The following SCHIP1 variants were observed in gnomAD, a reference collection of about 807,000 sequenced individuals.
SCHIP1 encodes schwannomin-interacting protein 1.
In SCHIP1, 8 loss-of-function variants were observed where a neutral mutation model predicts 29.7. The ratio of observed to expected loss-of-function variants is 0.27; its 90% CI spans 0.16 to 0.49. SCHIP1 has a LOEUF of 0.49. Among genes scored for constraint, SCHIP1 ranks in the 20% least tolerant of loss-of-function variants. SCHIP1 has a pLI of 0.99. For synonymous variants in SCHIP1, 76 were observed against 94.9 expected, an observed-to-expected ratio of 0.80 and a Z score of 1.16; for missense variants, 193 against 294.6, an observed-to-expected ratio of 0.66 and a Z score of 2.52.
At chr3:159,332,755 A>G in the SCHIP1 span, among the ~76,000 whole-genome samples, 1 of 152,188 alleles carries the variant, frequency 6.6e-6, no homozygotes, top group Non-Finnish European at 1.5e-5. Flanking sequence ...AAAAGGATAT[A>G]TATGAGGGCC....
chr3:159,721,659 T>C, the SCHIP1 span: 1 of 232,172 alleles, frequency 4.3e-6, no homozygotes, highest in African/African-American at 2.3e-5. Context: ...AAGGCTCTTC[T>C]TTGTTTCTAT....
the SCHIP1 span, among the ~76,000 whole-genome samples, chr3:159,583,884 G>A: frequency 6.6e-6 from 1 of 152,114 alleles, no homozygotes; most frequent in African/African-American, 2.4e-5. Context: ...TTCTTAACAT[G>A]CCAATCGGCT....
At chr3:159,672,663 C>T in the SCHIP1 span, among the ~76,000 whole-genome samples, 1 of 152,064 alleles carries the variant, frequency 6.6e-6, no homozygotes, top group Admixed American at 6.5e-5. Context: ...CAGCCCCTCA[C>T]CTCACAAAAA....
At chr3:159,507,286 A>T in the SCHIP1 span, among the ~76,000 whole-genome samples, 1 of 152,154 alleles carries the variant, frequency 6.6e-6, no homozygotes, top group African/African-American at 2.4e-5. Context: ...ATTGGTGTAT[A>T]AGAATGCTTG....
At chr3:159,872,575 C>T (rs1715397653) in intron 2 of SCHIP1, among the ~76,000 whole-genome samples, 1 of 152,174 alleles carries the variant, frequency 6.6e-6, no homozygotes, top group African/African-American at 2.4e-5. Flanking sequence ...CTTGTTGACT[C>T]ACCATAAGGA....
the SCHIP1 span, among the ~76,000 whole-genome samples, chr3:159,519,342 G>C: frequency 6.6e-6 from 1 of 152,040 alleles, no homozygotes; most frequent in South Asian, 2.1e-4. Context: ...ACTTTTTATA[G>C]CTTTACTTTA....
chr3:159,413,613 A>G, the SCHIP1 span, among the ~76,000 whole-genome samples: 1 of 152,156 alleles, frequency 6.6e-6, no homozygotes, highest in Non-Finnish European at 1.5e-5. Context: ...ATGGAAAATG[A>G]CACTTTTAAA....
At chr3:159,341,776 T>TATC in the SCHIP1 span, among the ~76,000 whole-genome samples, 2 of 152,218 alleles carry the variant, frequency 1.3e-5, no homozygotes. Context: ...CTACTTTCTG[T>TATC]ATCTAAACCA....
the SCHIP1 span, among the ~76,000 whole-genome samples, chr3:159,554,077 A>G: frequency 9.1e-4 from 136 of 149,904 alleles, 2 homozygotes; most frequent in Middle Eastern, 0.011. Flanking sequence ...CCACCGTGTT[A>G]GCCGGGGTGG....
chr3:159,646,374 C>T, the SCHIP1 span, among the ~76,000 whole-genome samples: 1 of 152,158 alleles, frequency 6.6e-6, no homozygotes, highest in Non-Finnish European at 1.5e-5. Context: ...TGTCTTACCA[C>T]TTCTGGCTCT....
the SCHIP1 span, among the ~76,000 whole-genome samples, chr3:159,576,765 C>T: frequency 6.6e-6 from 1 of 152,148 alleles, no homozygotes; most frequent in Admixed American, 6.6e-5. Flanking sequence ...TTGAAACACA[C>T]ACTTAGGTTT....
chr3:159,626,136 AGATAT>A, the SCHIP1 span, among the ~76,000 whole-genome samples: 1 of 110,972 alleles, frequency 9.0e-6, no homozygotes, highest in Non-Finnish European at 1.6e-5. Flanking sequence ...ATAGATAGAT[AGATAT>A]ATCTAGATAT....
the SCHIP1 span, among the ~76,000 whole-genome samples, chr3:159,732,753 A>G: frequency 3.4e-4 from 52 of 152,342 alleles, no homozygotes; most frequent in Non-Finnish European, 6.6e-4. Context: ...CTCTTGAGCT[A>G]TATAACCTGG....
the SCHIP1 span, among the ~76,000 whole-genome samples, chr3:159,778,083 G>T: frequency 6.6e-5 from 10 of 152,182 alleles, no homozygotes; most frequent in East Asian, 1.4e-3. Flanking sequence ...CCGGGTTCAG[G>T]CCACTCTCCT....
At chr3:159,572,868 C>G in the SCHIP1 span, among the ~76,000 whole-genome samples, 1 of 150,882 alleles carries the variant, frequency 6.6e-6, no homozygotes, top group Non-Finnish European at 1.5e-5. Context: ...TATGTAATGG[C>G]TTTGTCTCTT....
the SCHIP1 span, among the ~76,000 whole-genome samples, chr3:159,700,779 C>T: frequency 6.6e-6 from 1 of 151,036 alleles, no homozygotes; most frequent in Non-Finnish European, 1.5e-5. Flanking sequence ...TGCCACTGTA[C>T]TCCAGCCTGG....
chr3:159,612,688 A>C, the SCHIP1 span, among the ~76,000 whole-genome samples: 7 of 152,198 alleles, frequency 4.6e-5, no homozygotes, highest in Non-Finnish European at 1.0e-4. Context: ...CGGAGGTTGC[A>C]GTGAGCCGAG....
the SCHIP1 span, among the ~76,000 whole-genome samples, chr3:159,816,317 G>C: frequency 1.3e-5 from 2 of 152,012 alleles, no homozygotes; most frequent in African/African-American, 4.8e-5. Flanking sequence ...TGACACCCAA[G>C]CTGAAGTGCA....
chr3:159,640,522 A>G, the SCHIP1 span, among the ~76,000 whole-genome samples: 1 of 152,180 alleles, frequency 6.6e-6, no homozygotes, highest in Non-Finnish European at 1.5e-5. Flanking sequence ...GATTAGATTC[A>G]GTATGAGTGT....
Sources: gnomAD v4.1 joint callset for allele counts (sites outside exome capture counted in the v4.1 genomes callset) on GRCh38, gnomAD v4.1.1 for gene constraint, MANE v1.5 for transcripts, NCBI Gene and HGNC (gene_info 2026-07-23, HGNC 2026-07-21) for gene names.